Variants in DLG2 observed in about 807,000 individuals in gnomAD.
DLG2 encodes discs large MAGUK scaffold protein 2, also known as disks large homolog 2.
Under a neutral mutation model 132.5 loss-of-function variants are expected in DLG2, and 45 were observed. The observed-to-expected ratio is 0.34, with a 90% CI of 0.27 to 0.44. DLG2 has a LOEUF of 0.44. Among genes scored for constraint, DLG2 ranks in the 20% least tolerant of loss-of-function variants. The pLI is 1.00. For synonymous variants in DLG2, 424 were observed against 419.6 expected (o/e 1.01, Z -0.13); for missense variants, 1,045 against 1,196.9 (o/e 0.87, Z 1.87).
At chr11:85,059,443 G>T (rs1285784530) in intron 6 of DLG2, among the ~76,000 whole-genome samples, 1 of 151,520 alleles carries the variant, frequency 6.6e-6, no homozygotes, top group Non-Finnish European at 1.5e-5. Context: ...CACACCCAAA[G>T]TTTACAAAAA....
rs530703394 is a variant in DLG2, at chr11:83,598,235, G to A, written c.1940+34976C>T. Among the ~76,000 whole-genome samples the A allele has an allele frequency of 3.3e-5, 5 of 152,188 alleles. 1 individual carries two copies. The highest frequency in any genetic ancestry group is 3.3e-4 in the Admixed American group (5 of 15,284). On this transcript the variant is annotated intron_variant, in intron 19 of 27. Transcript: ENST00000376104. Reference sequence around the variant, plus strand: ...ACTGGAATACTTTTCTCAGCTCCACGCATGTTCTGTCTGTCCTCTTTGGCT... The same window carrying A: ...ACTGGAATACTTTTCTCAGCTCCACACATGTTCTGTCTGTCCTCTTTGGCT...
chr11:85,005,865 G>C (rs2058613404), intron 6 of DLG2, among the ~76,000 whole-genome samples: 1 of 152,114 alleles, frequency 6.6e-6, no homozygotes, highest in African/African-American at 2.4e-5. Flanking sequence ...CTATGGGTCT[G>C]TCATACATAG....
At chr11:84,916,212 A>G (rs1306543091) in intron 6 of DLG2, among the ~76,000 whole-genome samples, 5 of 150,250 alleles carry the variant, frequency 3.3e-5, no homozygotes, top group Admixed American at 6.6e-5. Context: ...AGCCGGGCGT[A>G]GTGGCGGGCG....
intron 7 of DLG2, among the ~76,000 whole-genome samples, chr11:84,459,779 T>C (rs1372154510): frequency 6.6e-6 from 1 of 150,684 alleles, no homozygotes; most frequent in Non-Finnish European, 1.5e-5. Context: ...TATACATCTT[T>C]TAATACTTCT....
chr11:84,665,864 G>T (rs528903820), intron 6 of DLG2, among the ~76,000 whole-genome samples: 1 of 152,230 alleles, frequency 6.6e-6, no homozygotes, highest in Non-Finnish European at 1.5e-5. Flanking sequence ...CATTCAATTT[G>T]TTCCTTAAAC....
chr11:83,856,596 C>A (rs2060569287), intron 16 of DLG2, among the ~76,000 whole-genome samples: 1 of 152,100 alleles, frequency 6.6e-6, no homozygotes, highest in Admixed American at 6.5e-5. Context: ...TGATGTTGAC[C>A]TTTATTTTCA....
chr11:85,086,183 T>G (rs200659577), intron 6 of DLG2, among the ~76,000 whole-genome samples: 1 of 152,160 alleles, frequency 6.6e-6, no homozygotes, highest in East Asian at 1.9e-4. Flanking sequence ...TAGGCTACAG[T>G]GTAAATCAGT....
chr11:84,596,456 C>T (rs148475691), intron 6 of DLG2, among the ~76,000 whole-genome samples: 443 of 150,454 alleles, frequency 2.9e-3, no homozygotes, highest in Non-Finnish European at 4.4e-3. Flanking sequence ...CTTCTGACCT[C>T]AGGTGATCTG....
chr11:85,380,196 AG>A (rs1388612957), intron 3 of DLG2, among the ~76,000 whole-genome samples: 5 of 152,218 alleles, frequency 3.3e-5, no homozygotes, highest in Non-Finnish European at 5.9e-5. Flanking sequence ...TTTGTGAAAA[AG>A]TTTACAATAT....
intron 6 of DLG2, among the ~76,000 whole-genome samples, chr11:85,042,399 C>A (rs1464999773): frequency 1.3e-5 from 2 of 152,004 alleles, no homozygotes; most frequent in South Asian, 2.1e-4. Context: ...AGGCACTACA[C>A]TAAGTGTTTT....
chr11:85,209,516 C>T (rs1265088305), intron 4 of DLG2, among the ~76,000 whole-genome samples: 1 of 145,338 alleles, frequency 6.9e-6, no homozygotes, highest in African/African-American at 2.5e-5. Flanking sequence ...CAACCTCTGC[C>T]TCCCAGGTTC....
At chr11:85,072,012 T>G (rs929078988) in intron 6 of DLG2, among the ~76,000 whole-genome samples, 22 of 151,978 alleles carry the variant, frequency 1.4e-4, no homozygotes, top group African/African-American at 5.1e-4. Context: ...GCATTTAATC[T>G]TAGCATCCCT....
At chr11:85,240,516 C>G (rs1285396149) in intron 4 of DLG2, among the ~76,000 whole-genome samples, 1 of 151,608 alleles carries the variant, frequency 6.6e-6, no homozygotes, top group Non-Finnish European at 1.5e-5. Context: ...GAGTAATACT[C>G]AAATATATTT....
chr11:85,239,330 T>C (rs1440829882), intron 4 of DLG2, among the ~76,000 whole-genome samples: 4 of 152,104 alleles, frequency 2.6e-5, no homozygotes, highest in Non-Finnish European at 5.9e-5. Context: ...GCACCATGTA[T>C]GGTCTATAAA....
Position 83,756,413 on chromosome 11 carries a change from A to C in DLG2, c.1825+30277T>G, listed in dbSNP as rs549144155. Among the ~76,000 whole-genome samples the C allele has an allele frequency of 4.6e-5, 7 of 151,598 alleles. No homozygotes were observed. The East Asian group carries it at 1.2e-3, about 25-fold the overall frequency. ...CTTTAAAAGACTGAGATATATTGCT[A>C]ATTTTCATAGCTTTTATGCTAAAAG... On this transcript the variant is annotated intron_variant, in intron 18 of 27. Transcript: ENST00000376104.
intron 9 of DLG2, among the ~76,000 whole-genome samples, chr11:84,130,005 A>G (rs1467069406): frequency 6.6e-6 from 1 of 152,094 alleles, no homozygotes; most frequent in Non-Finnish European, 1.5e-5. Flanking sequence ...AATATTTAGT[A>G]CTATACCAAG....
chr11:84,043,225 C>T (rs772300501), intron 11 of DLG2, among the ~76,000 whole-genome samples: 83 of 151,060 alleles, frequency 5.5e-4, no homozygotes, highest in Middle Eastern at 3.4e-3. Context: ...AAATTTATTG[C>T]TTAAAATAAT....
chr11:84,789,084 C>T (rs1192835909), intron 6 of DLG2, among the ~76,000 whole-genome samples: 1 of 152,200 alleles, frequency 6.6e-6, no homozygotes, highest in Admixed American at 6.5e-5. Context: ...CTTGGCACAG[C>T]ACCTTGCAAA....
At chr11:85,123,408 GA>G (rs2074681303) in intron 5 of DLG2, among the ~76,000 whole-genome samples, 1 of 152,092 alleles carries the variant, frequency 6.6e-6, no homozygotes, top group Admixed American at 6.5e-5. Context: ...GTGAGTCTCT[GA>G]AAAAGACCAC....
Sources: gnomAD v4.1 joint callset for allele counts (sites outside exome capture counted in the v4.1 genomes callset) on GRCh38, gnomAD v4.1.1 for gene constraint, MANE v1.5 for transcripts, NCBI Gene and HGNC (gene_info 2026-07-23, HGNC 2026-07-21) for gene names.